Variants in KCNG2 observed in about 807,000 individuals in gnomAD.
KCNG2 encodes the protein potassium voltage-gated channel modifier subfamily G member 2.
A neutral mutation model predicts 12.3 loss-of-function variants in KCNG2; 7 were observed. The observed-to-expected ratio is 0.57, with a 90% CI of 0.32 to 1.07. The LOEUF (loss-of-function observed/expected upper bound fraction) is 1.07. KCNG2 is among the 50% of genes least tolerant of loss of function. The pLI, the probability that KCNG2 is intolerant of heterozygous loss-of-function variation, is 0.04. For missense variants in KCNG2, 703 were observed against 726.0 expected (o/e 0.97, Z 0.36); for synonymous variants, 414 against 351.4 (o/e 1.18, Z -1.99).
intron 1 of KCNG2, among the ~76,000 whole-genome samples, chr18:79,798,251 TC>T (rs1373360692): frequency 6.6e-6 from 1 of 151,406 alleles, no homozygotes; most frequent in Non-Finnish European, 1.5e-5. Flanking sequence ...TGCCTCCCCC[TC>T]CCGCTCAGCG....
intron 3 of KCNG2, among the ~76,000 whole-genome samples, chr18:79,887,145 G>T (rs1464770646): frequency 6.7e-6 from 1 of 149,906 alleles, no homozygotes; most frequent in African/African-American, 2.5e-5. Context: ...GACACGGACA[G>T]GGACACGGGG....
intron 3 of KCNG2, among the ~76,000 whole-genome samples, chr18:79,877,839 A>G (rs1980134535): frequency 1.3e-5 from 2 of 152,340 alleles, no homozygotes; most frequent in Middle Eastern, 3.4e-3. Flanking sequence ...CCTTCTGAGA[A>G]GGGCTCCCAG....
rs2087396932 is a variant in KCNG2, at chr18:79,800,178, G to A, written c.-115+2164G>A. ...GGGAGTGAAGGGAGCAGATGGGGCT[G>A]TGCCGACAGGCATGAGCTCTGGGGG... On this transcript the variant is annotated intron_variant, in intron 1 of 3. Transcript: ENST00000316249. The surrounding 1 kb of genome is among the most constrained non-coding windows in gnomAD (Gnocchi z 4.0). 6.6e-6 allele frequency among the ~76,000 whole-genome samples: 1 copy of A among 152,094 alleles called. No homozygotes were observed. Among genetic ancestry groups the A allele is most frequent in the South Asian group, 2.1e-4 (1 of 4,820 alleles).
intron 3 of KCNG2, among the ~76,000 whole-genome samples, chr18:79,896,572 C>G (rs1980983868): frequency 1.3e-5 from 2 of 152,198 alleles, no homozygotes; most frequent in African/African-American, 4.8e-5. Context: ...CTATATGATG[C>G]AAGCTTAATA....
Position 79,893,503 on chromosome 18 carries a change from G to T in KCNG2, c.625-5537G>T, listed in dbSNP as rs761580701. ...TATAGTTGGGTCTGTGTCTGCTTTTGATTGCGTTCTTCACTCCATGCACAT... is the reference window on the plus strand; with the variant it reads ...TATAGTTGGGTCTGTGTCTGCTTTTTATTGCGTTCTTCACTCCATGCACAT... On this transcript the variant is annotated intron_variant, in intron 3 of 3. Transcript: ENST00000316249. 4.9e-4 allele frequency among the ~76,000 whole-genome samples: 74 copies of T among 152,072 alleles called. 1 individual carries two copies. Among genetic ancestry groups the T allele is most frequent in the Admixed American group, 9.8e-4 (15 of 15,282 alleles).
rs867571885 is a variant in KCNG2 at position 79,807,806 on chromosome 18, A to G, written c.-115+9792A>G. 4.1e-5 allele frequency among the ~76,000 whole-genome samples: 6 copies of G among 146,210 alleles called. No homozygotes were observed. In the South Asian group the frequency reaches 6.8e-4, roughly 17 times the overall value. On this transcript the variant is annotated intron_variant, in intron 1 of 3. Coordinates refer to ENST00000316249, the MANE Select transcript of KCNG2 (RefSeq NM_012283.2). ...GGCCGCGCTGACCACACTCCACGTT[A>G]TGGGCCCAGAGTCCGCGCTCTGAGG...
intron 1 of KCNG2, among the ~76,000 whole-genome samples, chr18:79,837,959 C>T (rs1306772930): frequency 6.6e-6 from 1 of 152,234 alleles, no homozygotes; most frequent in Non-Finnish European, 1.5e-5. Flanking sequence ...AATTGACCCA[C>T]AATTCCACAT....
intron 1 of KCNG2, among the ~76,000 whole-genome samples, chr18:79,834,560 G>T (rs1321767272): frequency 3.3e-5 from 5 of 152,208 alleles, no homozygotes; most frequent in Non-Finnish European, 7.3e-5. Context: ...AGCTCTGGGA[G>T]CCCACGCTAT....
chr18:79,798,714 G>A (rs1237120919), intron 1 of KCNG2, among the ~76,000 whole-genome samples: 1 of 152,216 alleles, frequency 6.6e-6, no homozygotes, highest in Non-Finnish European at 1.5e-5. Flanking sequence ...GGCCCGGGGA[G>A]CTCCCAGCCT....
chr18:79,887,238 CAGGG>C (rs1393523157), intron 3 of KCNG2, among the ~76,000 whole-genome samples: 1 of 151,334 alleles, frequency 6.6e-6, no homozygotes, highest in African/African-American at 2.4e-5. Flanking sequence ...GACAGGGACA[CAGGG>C]AGGGGACATG....
chr18:79,824,571 T>A (rs1239052531), intron 1 of KCNG2, among the ~76,000 whole-genome samples: 1 of 152,198 alleles, frequency 6.6e-6, no homozygotes, highest in African/African-American at 2.4e-5. Flanking sequence ...GTAGTGGGTA[T>A]CCTTGTTTCT....
rs1044929481 is a variant in KCNG2 at position 79,822,966 on chromosome 18, C to G, written c.-115+24952C>G. Among the ~76,000 whole-genome samples the G allele has an allele frequency of 6.6e-6, 1 of 152,090 alleles. No individual in the cohort carries two copies. Among genetic ancestry groups the G allele is most frequent in the Non-Finnish European group, 1.5e-5 (1 of 68,006 alleles). ...GCATGTGAAGAGCGTGTGGAGCACCCCAAGGCTTTAGGAGTCACTGCCTCT... is the reference window on the plus strand; with the variant it reads ...GCATGTGAAGAGCGTGTGGAGCACCGCAAGGCTTTAGGAGTCACTGCCTCT... On this transcript the variant is annotated intron_variant, in intron 1 of 3. Transcript: ENST00000316249. This position sits in a 1 kb window ranked among gnomAD's most constrained non-coding sequence, Gnocchi z 4.4.
intron 2 of KCNG2, among the ~76,000 whole-genome samples, chr18:79,856,944 A>G (rs1979030011): frequency 6.9e-6 from 1 of 144,702 alleles, no homozygotes; most frequent in South Asian, 2.3e-4. Flanking sequence ...TCCATGACCT[A>G]AGCAGCTGAT....
In KCNG2 at chr18:79,826,015, G is replaced by A. The variant is rs184747024; in HGVS notation, c.-115+28001G>A. ...AGGGCATGACCCCCATAGAGACGTG[G>A]GCCTGGGTGGAGGCTGCAGCTTAAG... On this transcript the variant is annotated intron_variant, in intron 1 of 3. Transcript: ENST00000316249. Among the ~76,000 whole-genome samples, 119 of 152,344 alleles carry A rather than the reference G, an allele frequency of 7.8e-4. 3 individuals carry two copies. The East Asian group carries it at 0.019, about 24-fold the overall frequency.
At chr18:79,844,411 G>C (rs1978556717) in intron 1 of KCNG2, among the ~76,000 whole-genome samples, 6 of 152,144 alleles carry the variant, frequency 3.9e-5, no homozygotes, top group Admixed American at 3.9e-4. Flanking sequence ...TGGAGGAAGT[G>C]ATGTTGATCA....
intron 1 of KCNG2, among the ~76,000 whole-genome samples, chr18:79,829,027 GT>G: frequency 1.0e-5 from 1 of 97,058 alleles, no homozygotes; most frequent in Non-Finnish European, 2.4e-5. Flanking sequence ...GTGTCTGTGT[GT>G]GGGTGTCTAT....
chr18:79,833,034 C>CT (rs56094014), intron 1 of KCNG2, among the ~76,000 whole-genome samples: 1 of 152,028 alleles, frequency 6.6e-6, no homozygotes. Context: ...TATTTTATAA[C>CT]TTTTTTTGAA....
intron 1 of KCNG2, among the ~76,000 whole-genome samples, chr18:79,825,065 C>A (rs1237000458): frequency 7.2e-6 from 1 of 138,476 alleles, no homozygotes; most frequent in East Asian, 2.2e-4. Flanking sequence ...TGGGAGAATT[C>A]TCTGTAAACC....
chr18:79,843,529 A>G (rs764675412), intron 1 of KCNG2, among the ~76,000 whole-genome samples: 1 of 152,238 alleles, frequency 6.6e-6, no homozygotes, highest in African/African-American at 2.4e-5. Flanking sequence ...AAAAATAAGT[A>G]TAGCTACAGT....
Sources: gnomAD v4.1 joint callset for allele counts (sites outside exome capture counted in the v4.1 genomes callset) on GRCh38, gnomAD v4.1.1 for gene constraint, Gnocchi (gnomAD v3.1) non-coding constraint, MANE v1.5 for transcripts, NCBI Gene and HGNC (gene_info 2026-07-23, HGNC 2026-07-21) for gene names.